The following TMEM143 variants were observed in gnomAD, a reference collection of about 807,000 sequenced individuals.
TMEM143 encodes transmembrane protein 143.
TMEM143 carries 45 observed loss-of-function variants against 40.3 expected under a neutral mutation model. The ratio of observed to expected loss-of-function variants is 1.12; its 90% CI spans 0.88 to 1.43. TMEM143 has a LOEUF of 1.43. TMEM143 is among the 40% of genes most tolerant of loss of function. TMEM143 has a pLI of 0.00. For missense variants in TMEM143, 620 were observed against 613.4 expected, an observed-to-expected ratio of 1.01 and a Z score of -0.11; for synonymous variants, 299 against 282.7, an observed-to-expected ratio of 1.06 and a Z score of -0.58.
intron 3 of TMEM143, 46 bp downstream of exon 3, chr19:48,360,026 G>T: frequency 6.4e-7 from 1 of 1,570,546 alleles, no homozygotes; most frequent in South Asian, 1.1e-5. Context: ...CTAAATGAGC[G>T]GATGCTCGAA....
chr19:48,352,258 A>AAAAAAAAAAAAAAC (rs1969793936), intron 3 of TMEM143, among the ~76,000 whole-genome samples: 1 of 148,026 alleles, frequency 6.8e-6, no homozygotes, highest in African/African-American at 2.5e-5. Flanking sequence ...AAAAAAAAAA[A>AAAAAAAAAAAAAAC]AAAACACCAT....
At chr19:48,359,524 T>C (rs1175856619) in intron 3 of TMEM143, among the ~76,000 whole-genome samples, 5 of 65,940 alleles carry the variant, frequency 7.6e-5, no homozygotes, top group Middle Eastern at 7.7e-3. Flanking sequence ...TTTTTTTTTT[T>C]TGAGACAGAG....
At chr19:48,358,106 C>T (rs193100188) in intron 3 of TMEM143, among the ~76,000 whole-genome samples, 55 of 152,234 alleles carry the variant, frequency 3.6e-4, no homozygotes, top group Non-Finnish European at 7.2e-4. Context: ...AAAGAATGGG[C>T]CAGGCACGGT....
chr19:48,349,514 G>A (rs774748548), intron 3 of TMEM143, among the ~76,000 whole-genome samples: 10 of 152,024 alleles, frequency 6.6e-5, no homozygotes, highest in Admixed American at 1.3e-4. Flanking sequence ...GCATGGTGGC[G>A]GGCGCCTGTA....
At chr19:48,342,304 A>C (rs1969511094) in intron 6 of TMEM143, among the ~76,000 whole-genome samples, 2 of 133,680 alleles carry the variant, frequency 1.5e-5, no homozygotes, top group South Asian at 5.2e-4. Context: ...GGAAGGAAGG[A>C]CAGGGAGGGA....
chr19:48,360,184 C>T lies in TMEM143; in HGVS notation c.265-8G>A, dbSNP rs1328687988. 6.2e-7 allele frequency: 1 copy of T among 1,613,640 alleles called. No individual in the cohort carries two copies. The highest frequency in any genetic ancestry group is 2.2e-5 in the East Asian group (1 of 44,872). On this transcript the variant is annotated splice_region_variant and splice_polypyrimidine_tract_variant and intron_variant, in intron 2 of 7. Transcript: ENST00000293261. ...CGGACTCGAGTGGAATTCCTGTTAC[C>T]TCAGGAAGCAAAACTTCTCTGTAGG...
chr19:48,346,725 C>T (rs1969643006), intron 3 of TMEM143, among the ~76,000 whole-genome samples: 1 of 151,578 alleles, frequency 6.6e-6, no homozygotes, highest in Non-Finnish European at 1.5e-5. Context: ...CTACAGGTGC[C>T]CACCACCACG....
chr19:48,333,484 T>C lies in TMEM143; in HGVS notation c.1166-51A>G, dbSNP rs1969266585. 3 of 1,336,802 alleles carry C rather than the reference T, an allele frequency of 2.2e-6. No individual in the cohort carries two copies. The highest frequency in any genetic ancestry group is 2.3e-5 in the East Asian group (1 of 42,578). The allele number at this position is 1,336,802 out of a possible 1,614,324, so 82.8% of individuals were successfully genotyped here. A position where few individuals can be genotyped will look rare whatever the true frequency, so the allele number is the denominator to read the frequency against. ...GAGGTCACACTGAGATCGGGGAAGATTCGAGGGAGCAGCAAGGAGGGGCGT... is the reference window on the plus strand; with the variant it reads ...GAGGTCACACTGAGATCGGGGAAGACTCGAGGGAGCAGCAAGGAGGGGCGT... On this transcript the variant is annotated intron_variant, in intron 7 of 7. Transcript: ENST00000293261. The surrounding 1 kb of genome is among the most constrained non-coding windows in gnomAD (Gnocchi z 4.1).
At chr19:48,352,489 T>C (rs1182750124) in intron 3 of TMEM143, among the ~76,000 whole-genome samples, 5 of 147,416 alleles carry the variant, frequency 3.4e-5, no homozygotes, top group Non-Finnish European at 6.0e-5. Flanking sequence ...AAAAAAATTA[T>C]GGAGGCCGGG....
chr19:48,351,132 C>T (rs1160270866), intron 3 of TMEM143, among the ~76,000 whole-genome samples: 4 of 151,936 alleles, frequency 2.6e-5, no homozygotes, highest in Non-Finnish European at 5.9e-5. Context: ...TACAGATGCC[C>T]CATGGGCCTC....
intron 6 of TMEM143, among the ~76,000 whole-genome samples, chr19:48,340,453 G>A (rs551643070): frequency 2.7e-4 from 41 of 151,568 alleles, no homozygotes; most frequent in Non-Finnish European, 5.2e-4. Flanking sequence ...TTTTTGATTT[G>A]GGGTTTCACT....
At chr19:48,335,976 C>T (rs867347715) in intron 6 of TMEM143, among the ~76,000 whole-genome samples, 32 of 152,250 alleles carry the variant, frequency 2.1e-4, no homozygotes, top group African/African-American at 6.7e-4. Context: ...GCCCAGCTGT[C>T]TACTGGCTGC....
At chr19:48,350,263 G>A (rs564663039) in intron 3 of TMEM143, among the ~76,000 whole-genome samples, 3 of 151,514 alleles carry the variant, frequency 2.0e-5, no homozygotes, top group South Asian at 2.1e-4. Context: ...CACCCACCTC[G>A]GCCTCCCAAA....
intron 3 of TMEM143, 118 bp downstream of exon 3, chr19:48,359,954 C>T (rs1970000834): frequency 9.4e-6 from 9 of 959,064 alleles, no homozygotes; most frequent in Non-Finnish European, 1.4e-5. Context: ...GTCATGTTCA[C>T]TATTGAATCC....
chr19:48,336,437 G>A (rs1056874992), intron 6 of TMEM143, among the ~76,000 whole-genome samples: 2 of 151,450 alleles, frequency 1.3e-5, no homozygotes, highest in African/African-American at 4.8e-5. Flanking sequence ...AGGCAGGAGA[G>A]TCGCTTGAGC....
intron 1 of TMEM143, 182 bp downstream of exon 1, chr19:48,363,716 G>C (rs1970124776): frequency 1.1e-5 from 15 of 1,351,438 alleles, no homozygotes; most frequent in Non-Finnish European, 1.4e-5. Context: ...GTCCCAGACA[G>C]GGGTCAGAGG....
chr19:48,362,340 G>A (rs1970060957), intron 2 of TMEM143, among the ~76,000 whole-genome samples: 1 of 152,070 alleles, frequency 6.6e-6, no homozygotes, highest in Non-Finnish European at 1.5e-5. Context: ...AGGAGTTCGA[G>A]ACCAGCCTGG....
At chr19:48,356,929 G>T (rs1469013014) in intron 3 of TMEM143, among the ~76,000 whole-genome samples, 1 of 91,546 alleles carries the variant, frequency 1.1e-5, no homozygotes, top group African/African-American at 4.5e-5. Flanking sequence ...TTTTGAGATG[G>T]AGTCTCACTC....
At chr19:48,343,287 T>A in intron 5 of TMEM143, 34 bp downstream of exon 5, 1 of 1,601,940 alleles carries the variant, frequency 6.2e-7, no homozygotes, top group Non-Finnish European at 8.5e-7. Flanking sequence ...CCTTGCTCCC[T>A]CTTGCTGCAG....
Sources: gnomAD v4.1 joint callset for allele counts (sites outside exome capture counted in the v4.1 genomes callset) on GRCh38, gnomAD v4.1.1 for gene constraint, Gnocchi (gnomAD v3.1) non-coding constraint, MANE v1.5 for transcripts, NCBI Gene and HGNC (gene_info 2026-07-23, HGNC 2026-07-21) for gene names.